The following CADM2 variants were observed in gnomAD, a reference collection of about 807,000 sequenced individuals.
CADM2 encodes immunoglobulin superfamily member 4D.
CADM2 carries 12 observed loss-of-function variants against 49.8 expected under a neutral mutation model. The ratio of observed to expected loss-of-function variants is 0.24; its 90% confidence interval spans 0.15 to 0.39. CADM2 has a LOEUF of 0.39. Ranked by LOEUF, CADM2 falls within the 10% of genes least tolerant of loss-of-function variation. The pLI is 1.00. For missense variants in CADM2, 378 were observed against 492.3 expected, an observed-to-expected ratio of 0.77 and a Z score of 2.20; for synonymous variants, 214 against 175.4, an observed-to-expected ratio of 1.22 and a Z score of -1.74.
At chr3:85,516,093 T>C (rs1285042913) in intron 1 of CADM2, among the ~76,000 whole-genome samples, 1 of 152,162 alleles carries the variant, frequency 6.6e-6, no homozygotes, top group East Asian at 1.9e-4. Flanking sequence ...ATAATATTCA[T>C]GATCATTTCA....
intron 1 of CADM2, among the ~76,000 whole-genome samples, chr3:85,110,222 G>T (rs1027959124): frequency 1.3e-5 from 2 of 151,764 alleles, no homozygotes; most frequent in African/African-American, 4.8e-5. Context: ...CATTAAGCAG[G>T]AGGTCTATTC....
intron 1 of CADM2, among the ~76,000 whole-genome samples, chr3:85,025,864 T>C (rs1576061084): frequency 6.6e-6 from 1 of 152,194 alleles, no homozygotes. Context: ...CTGAGAACTT[T>C]TGTATCATTG....
intron 8 of CADM2, chr3:86,012,715 C>T (rs1262578782): frequency 1.6e-5 from 16 of 988,772 alleles, no homozygotes; most frequent in East Asian, 1.6e-4. Flanking sequence ...ATCGGCTGGG[C>T]GCGTTGACTC....
intron 1 of CADM2, among the ~76,000 whole-genome samples, chr3:85,107,379 A>G (rs984844209): frequency 2.0e-5 from 3 of 152,188 alleles, no homozygotes; most frequent in Non-Finnish European, 4.4e-5. Flanking sequence ...GTCATTAAGA[A>G]AATACAATTC....
At chr3:85,139,279 C>T (rs182297927) in intron 1 of CADM2, among the ~76,000 whole-genome samples, 347 of 151,888 alleles carry the variant, frequency 2.3e-3, no homozygotes, top group Non-Finnish European at 4.0e-3. Flanking sequence ...CTGTTTTTTT[C>T]AAGTGAGCCA....
intron 1 of CADM2, among the ~76,000 whole-genome samples, chr3:85,446,611 T>G (rs976980361): frequency 1.9e-4 from 29 of 150,180 alleles, no homozygotes; most frequent in Middle Eastern, 3.4e-3. Flanking sequence ...TTTGTTTTTT[T>G]TTTTTTTTGA....
At chr3:85,340,173 T>A (rs985435279) in intron 1 of CADM2, among the ~76,000 whole-genome samples, 7 of 151,536 alleles carry the variant, frequency 4.6e-5, no homozygotes, top group Non-Finnish European at 7.4e-5. Context: ...CATTGCATAC[T>A]TAAAAAAGCA....
chr3:85,355,495 T>A (rs2031779559), intron 1 of CADM2, among the ~76,000 whole-genome samples: 1 of 152,098 alleles, frequency 6.6e-6, no homozygotes, highest in African/African-American at 2.4e-5. Flanking sequence ...AGATATTTTT[T>A]AATAGAAGTT....
chr3:85,970,860 A>G (rs1726038190), intron 8 of CADM2, among the ~76,000 whole-genome samples: 1 of 151,546 alleles, frequency 6.6e-6, no homozygotes, highest in Non-Finnish European at 1.5e-5. Context: ...AACCTAAAAC[A>G]TATTTCGGGT....
chr3:86,043,852 C>A (rs1373696296), intron 8 of CADM2, among the ~76,000 whole-genome samples: 1 of 152,064 alleles, frequency 6.6e-6, no homozygotes, highest in Non-Finnish European at 1.5e-5. Flanking sequence ...GGTAGTGGTA[C>A]CAAAACAGAG....
chr3:85,660,999 T>G (rs758465923), intron 1 of CADM2, among the ~76,000 whole-genome samples: 5 of 152,172 alleles, frequency 3.3e-5, no homozygotes, highest in Admixed American at 6.6e-5. Flanking sequence ...GAATGAAAGT[T>G]AAGGTGGTTA....
intron 8 of CADM2, among the ~76,000 whole-genome samples, chr3:86,010,604 T>G (rs1173781191): frequency 1.3e-5 from 2 of 151,048 alleles, no homozygotes; most frequent in African/African-American, 4.8e-5. Flanking sequence ...AAAAGAAAAT[T>G]TATGTGTCAA....
chr3:85,799,705 C>G (rs573965566), intron 2 of CADM2, among the ~76,000 whole-genome samples: 2 of 152,240 alleles, frequency 1.3e-5, no homozygotes, highest in East Asian at 3.9e-4. Flanking sequence ...CTGGGTATTA[C>G]CAGCGGAGGC....
At chr3:85,940,909 G>T (rs1001099057) in intron 7 of CADM2, among the ~76,000 whole-genome samples, 1 of 151,078 alleles carries the variant, frequency 6.6e-6, no homozygotes, top group Admixed American at 6.6e-5. Flanking sequence ...AAAGTACAAA[G>T]ATTTCTCCTA....
chr3:85,784,530 T>TTATC (rs71112118), intron 2 of CADM2, among the ~76,000 whole-genome samples: 10,511 of 142,256 alleles, frequency 0.074, 399 homozygotes, highest in East Asian at 0.14. Flanking sequence ...CTAAATATAT[T>TTATC]TATCTATCTA....
At chr3:85,958,759 A>G (rs1460049106) in intron 7 of CADM2, among the ~76,000 whole-genome samples, 1 of 151,874 alleles carries the variant, frequency 6.6e-6, no homozygotes, top group African/African-American at 2.4e-5. Flanking sequence ...GGATATGAAT[A>G]AAGCTGGAAG....
intron 1 of CADM2, among the ~76,000 whole-genome samples, chr3:85,471,436 G>A (rs796885211): frequency 6.6e-6 from 1 of 152,074 alleles, no homozygotes; most frequent in Non-Finnish European, 1.5e-5. Flanking sequence ...CATCTGCCTT[G>A]TTAAAATTAT....
At chr3:85,841,688 A>T (rs1186575058) in intron 3 of CADM2, among the ~76,000 whole-genome samples, 1 of 152,060 alleles carries the variant, frequency 6.6e-6, no homozygotes, top group East Asian at 1.9e-4. Flanking sequence ...TTAAGGTTCA[A>T]AAAACATATT....
At chr3:85,626,263 A>G (rs1015931926) in intron 1 of CADM2, among the ~76,000 whole-genome samples, 1 of 151,994 alleles carries the variant, frequency 6.6e-6, no homozygotes, top group Non-Finnish European at 1.5e-5. Flanking sequence ...ATAATTACAA[A>G]CATCCTATTT....
Sources: gnomAD v4.1 joint callset for allele counts (sites outside exome capture counted in the v4.1 genomes callset) on GRCh38, gnomAD v4.1.1 for gene constraint, MANE v1.5 for transcripts, NCBI Gene and HGNC (gene_info 2026-07-23, HGNC 2026-07-21) for gene names.